Variants in ACTR3B observed in about 807,000 individuals in gnomAD.
ACTR3B encodes the protein actin-related protein 3B.
In ACTR3B, 8 loss-of-function variants were observed where a neutral mutation model predicts 59.0. That is an observed-to-expected ratio of 0.14 (90% CI 0.08 to 0.24). The LOEUF (loss-of-function observed/expected upper bound fraction) is 0.24, where lower values mean the gene tolerates loss of function less well. ACTR3B is among the 10% of genes least tolerant of loss of function. ACTR3B has a pLI of 1.00. For synonymous variants in ACTR3B, 148 were observed against 197.9 expected (o/e 0.75, Z 2.12); for missense variants, 245 against 552.3 (o/e 0.44, Z 5.58).
Position 152,824,967 on chromosome 7 carries a change from T to C in ACTR3B, c.859-63T>C, listed in dbSNP as rs1796455977. 1.3e-6 allele frequency: 2 copies of C among 1,510,598 alleles called. No homozygotes were observed. Among genetic ancestry groups the C allele is most frequent in the African/African-American group, 1.4e-5 (1 of 71,792 alleles). 93.6% of individuals were successfully genotyped at this position (1,510,598 alleles called of 1,614,324 possible). ...ATTTGTTAAAGTTACTTTAAAGAAGTGTGCATGTTGTTCTATTTGAGAGAA... is the reference window on the plus strand; with the variant it reads ...ATTTGTTAAAGTTACTTTAAAGAAGCGTGCATGTTGTTCTATTTGAGAGAA... On this transcript the variant is annotated intron_variant, in intron 8 of 11. Coordinates refer to ENST00000256001, the MANE Select transcript of ACTR3B (RefSeq NM_020445.6). This position sits in a 1 kb window ranked among gnomAD's most constrained non-coding sequence, Gnocchi z 4.2.
chr7:152,835,894 G>A (rs1387902883), intron 9 of ACTR3B, among the ~76,000 whole-genome samples: 2 of 151,852 alleles, frequency 1.3e-5, no homozygotes, highest in South Asian at 2.1e-4. Context: ...GACCCGTGGT[G>A]CTTAGAACAC....
intron 1 of ACTR3B, among the ~76,000 whole-genome samples, chr7:152,766,529 A>T (rs1244220887): frequency 2.0e-5 from 3 of 152,182 alleles, no homozygotes; most frequent in African/African-American, 7.2e-5. Context: ...ATTAAAGGCC[A>T]TTCCTCCAAG....
intron 9 of ACTR3B, among the ~76,000 whole-genome samples, chr7:152,835,997 A>G: frequency 7.1e-6 from 1 of 141,498 alleles, no homozygotes; most frequent in East Asian, 2.0e-4. Context: ...GCGCTCTCAC[A>G]GAGGAGTCAG....
At position 152,775,154 on chromosome 7, in the gene ACTR3B, GC is replaced by G. The variant is rs538054105; in HGVS notation, c.45-8032del. ...TGCAATGAGCTATGATTGCACCACT[GC>G]ACTCCAGCCTGGGTGACAGAGTGAA... On this transcript the variant is annotated intron_variant, in intron 1 of 11. Transcript: ENST00000256001. Among the ~76,000 whole-genome samples the G allele has an allele frequency of 5.2e-4, 65 of 125,504 alleles. 1 individual carries two copies. The highest frequency in any genetic ancestry group is 2.1e-3 in the African/African-American group (65 of 31,486). The allele number at this position is 125,504 out of a possible 152,430, so 82.3% of individuals were successfully genotyped here. A position where few individuals can be genotyped will look rare whatever the true frequency, so the allele number is the denominator to read the frequency against.
chr7:152,828,448 G>A (rs574951372), intron 9 of ACTR3B, among the ~76,000 whole-genome samples: 54 of 152,218 alleles, frequency 3.5e-4, no homozygotes, highest in Non-Finnish European at 6.0e-4. Flanking sequence ...GCTCCTGCTC[G>A]GTGCACTCCC....
chr7:152,762,995 G>T (rs903784345), intron 1 of ACTR3B, among the ~76,000 whole-genome samples: 1 of 152,104 alleles, frequency 6.6e-6, no homozygotes, highest in Non-Finnish European at 1.5e-5. Context: ...TTTCTTCACT[G>T]TTCAGTTACT....
chr7:152,765,132 C>T (rs55652902), intron 1 of ACTR3B, among the ~76,000 whole-genome samples: 48,416 of 98,130 alleles, frequency 0.49, 8,419 homozygotes, highest in Non-Finnish European at 0.52. Flanking sequence ...TTTTTTTTTT[C>T]CGGAGACAGA....
chr7:152,795,926 C>T (rs2098214955), intron 2 of ACTR3B, among the ~76,000 whole-genome samples: 1 of 151,958 alleles, frequency 6.6e-6, no homozygotes, highest in Non-Finnish European at 1.5e-5. Flanking sequence ...TCACTGCAAC[C>T]TCTGCCTCCC....
intron 9 of ACTR3B, among the ~76,000 whole-genome samples, chr7:152,846,171 C>G (rs1798255214): frequency 6.6e-6 from 1 of 151,528 alleles, no homozygotes; most frequent in South Asian, 2.1e-4. Flanking sequence ...GCAGTGAGCT[C>G]TAGTGCCCGG....
At position 152,759,999 on chromosome 7, in the gene ACTR3B, G is replaced by A. The variant is rs1353936808; in HGVS notation, c.44+73G>A. The A allele has an allele frequency of 5.6e-6, 7 of 1,245,418 alleles. No homozygotes were observed. The African/African-American group carries it at 6.3e-5, about 11-fold the overall frequency. The allele number at this position is 1,245,418 out of a possible 1,614,324, so 77.1% of individuals were successfully genotyped here. ...CGGCCCCTGGCGTCCACCTCGCCTG[G>A]AGGTCGAGCTGCGTCCGTCGCCCCG... On this transcript the variant is annotated intron_variant, in intron 1 of 11. Coordinates refer to ENST00000256001, the MANE Select transcript of ACTR3B (RefSeq NM_020445.6).
intron 6 of ACTR3B, among the ~76,000 whole-genome samples, chr7:152,817,841 A>C (rs1328108204): frequency 6.6e-6 from 1 of 152,244 alleles, no homozygotes; most frequent in Admixed American, 6.5e-5. Context: ...GGGGTGACGT[A>C]CTAATACCAA....
At chr7:152,811,811 A>T (rs1218520515) in intron 4 of ACTR3B, 1 of 150,936 alleles carries the variant, frequency 6.6e-6, no homozygotes, top group East Asian at 2.0e-4. Flanking sequence ...CACTAAACTT[A>T]TTCCAGTGTT....
chr7:152,796,944 C>G (rs557589679), intron 2 of ACTR3B, among the ~76,000 whole-genome samples: 11 of 127,304 alleles, frequency 8.6e-5, no homozygotes, highest in African/African-American at 2.6e-4. Context: ...TCTCAAACTC[C>G]CAGACTTAAG....
intron 9 of ACTR3B, among the ~76,000 whole-genome samples, chr7:152,840,355 G>A (rs1403733822): frequency 1.3e-5 from 2 of 151,674 alleles, no homozygotes; most frequent in South Asian, 2.1e-4. Context: ...GCTTGTCGCC[G>A]TCCTGCCTTC....
At chr7:152,810,763 G>A (rs1307730064) in intron 4 of ACTR3B, 2 of 151,966 alleles carry the variant, frequency 1.3e-5, no homozygotes, top group Admixed American at 1.3e-4. Flanking sequence ...TTAACTGAGC[G>A]TGATGGCATG....
At chr7:152,835,063 T>C (rs1797336323) in intron 9 of ACTR3B, among the ~76,000 whole-genome samples, 1 of 152,330 alleles carries the variant, frequency 6.6e-6, no homozygotes, top group South Asian at 2.1e-4. Flanking sequence ...GTGTTTTTTT[T>C]TTTAGAATCG....
chr7:152,821,556 G>A (rs1796158597), intron 7 of ACTR3B, among the ~76,000 whole-genome samples: 2 of 152,170 alleles, frequency 1.3e-5, no homozygotes, highest in Admixed American at 1.3e-4. Flanking sequence ...TTTCCGCCAG[G>A]ATTGCTGAGC....
At chr7:152,848,111 A>G (rs904007332) in intron 9 of ACTR3B, among the ~76,000 whole-genome samples, 1 of 152,194 alleles carries the variant, frequency 6.6e-6, no homozygotes, top group Non-Finnish European at 1.5e-5. Context: ...GAACGTGGAG[A>G]TGAGGCAGCA....
chr7:152,854,441 C>T lies in ACTR3B; in HGVS notation c.1162-17C>T, dbSNP rs1158198800. 10 of 1,609,274 alleles carry T rather than the reference C, an allele frequency of 6.2e-6. No homozygotes were observed. Among genetic ancestry groups the T allele is most frequent in the East Asian group, 2.2e-5 (1 of 44,846 alleles). On this transcript the variant is annotated splice_polypyrimidine_tract_variant and intron_variant, in intron 11 of 11. Coordinates refer to ENST00000256001, the MANE Select transcript of ACTR3B (RefSeq NM_020445.6). This position sits in a 1 kb window ranked among gnomAD's most constrained non-coding sequence, Gnocchi z 4.9. ...TCTGAAATGAGTGTCTTTCTGTCTG[C>T]CTGTTGCCTCTCGTAGCCCGAGTTC...
Sources: allele counts gnomAD v4.1 joint callset (sites outside exome capture counted in the v4.1 genomes callset), GRCh38; gene constraint gnomAD v4.1.1; non-coding constraint Gnocchi (gnomAD v3.1); transcripts MANE v1.5; gene names NCBI Gene and HGNC (gene_info 2026-07-23, HGNC 2026-07-21).